The following SLC26A9 variants were observed in gnomAD, a reference collection of about 807,000 sequenced individuals.
The protein encoded by SLC26A9 is anion transporter/exchanger protein 9.
A neutral mutation model predicts 87.1 loss-of-function variants in SLC26A9; 46 were observed. The observed-to-expected ratio is 0.53, with a 90% CI of 0.42 to 0.67. The LOEUF (loss-of-function observed/expected upper bound fraction) is 0.67. SLC26A9 is among the 30% of genes least tolerant of loss of function. SLC26A9 has a pLI of 0.00. For missense variants in SLC26A9, 927 were observed against 1,018.3 expected (o/e 0.91, Z 1.22); for synonymous variants, 437 against 409.1 (o/e 1.07, Z -0.82).
intron 3 of SLC26A9, 36 bp downstream of exon 3, chr1:205,932,909 G>A (rs755202325): frequency 5.0e-6 from 8 of 1,612,322 alleles, no homozygotes; most frequent in East Asian, 2.2e-5. Flanking sequence ...GGTGAGGGGA[G>A]TGGCAATCCA....
At chr1:205,931,465 G>GTTGTTTTTTTTTTTT in intron 5 of SLC26A9, among the ~76,000 whole-genome samples, 1 of 96,012 alleles carries the variant, frequency 1.0e-5, no homozygotes, top group South Asian at 3.5e-4. Flanking sequence ...CCCTAACTTG[G>GTTGTTTTTTTTTTTT]TTTTTTTTTT....
At chr1:205,918,350 A>G (rs1033938586) in intron 19 of SLC26A9, among the ~76,000 whole-genome samples, 1 of 152,154 alleles carries the variant, frequency 6.6e-6, no homozygotes, top group African/African-American at 2.4e-5. Context: ...TAAATGTCAA[A>G]AAGCTGAGAC....
chr1:205,915,381 G>C lies in SLC26A9; in HGVS notation c.2352C>G (p.His784Gln), dbSNP rs149042595. Residue 784 changes from histidine to glutamine, a missense_variant, in exon 21 of 21, where the codon CAC becomes CAG. By Grantham distance (24) the His-to-Gln change is conservative. Coordinates refer to ENST00000367135, the MANE Select transcript of SLC26A9 (RefSeq NM_052934.4). ...LEQEMFGSMF[H>Q]AETLTAL ...CTCACAGGGCGGTCAGGGTCTCTGC[G>C]TGAAACATGCTCCCGAACATCTCCT... 6.2e-7 allele frequency: 1 copy of C among 1,614,010 alleles called. No individual in the cohort carries two copies. Among genetic ancestry groups the C allele is most frequent in the Non-Finnish European group, 8.5e-7 (1 of 1,180,024 alleles).
At chr1:205,937,167 T>G (rs1659539305) in intron 1 of SLC26A9, among the ~76,000 whole-genome samples, 1 of 152,168 alleles carries the variant, frequency 6.6e-6, no homozygotes, top group Admixed American at 6.5e-5. Context: ...TTCCATTCAT[T>G]TGGTCTTGGG....
At chr1:205,917,845 A>ATGACTAATC (rs1209189587) in intron 19 of SLC26A9, among the ~76,000 whole-genome samples, 4 of 152,204 alleles carry the variant, frequency 2.6e-5, no homozygotes, top group African/African-American at 9.6e-5. Flanking sequence ...CTAATCAAGT[A>ATGACTAATC]TACATACCAA....
At position 205,935,757 on chromosome 1, in the gene SLC26A9, C is replaced by T. The variant is rs1033341954; in HGVS notation, c.64G>A (p.Asp22Asn). 2.5e-6 allele frequency: 4 copies of T among 1,614,002 alleles called. No individual in the cohort carries two copies. The highest frequency in any genetic ancestry group is 3.4e-6 in the Non-Finnish European group (4 of 1,179,956). Residue 22 changes from aspartate to asparagine, a missense_variant, in exon 2 of 21, where the codon GAT (aspartate) becomes AAT (asparagine). Physicochemically the swap from Asp to Asn is conservative, Grantham distance 23. Transcript: ENST00000367135. ...RAAYSLTLFDDEFEKKDRTYP... is the reference protein window; with the variant it reads ...RAAYSLTLFDNEFEKKDRTYP... ...GTCCGGTCCTTCTTCTCAAACTCAT[C>T]GTCGAAGAGGGTAAGGGAGTATGCG...
chr1:205,923,106 C>T lies in SLC26A9; in HGVS notation c.1749G>A (p.Arg583=), dbSNP rs776827159. The T allele has an allele frequency of 3.1e-6, 5 of 1,614,054 alleles. No individual in the cohort carries two copies. The South Asian group carries it at 3.3e-5, about 11-fold the overall frequency. The stretch of plus-strand genomic sequence containing the variant: ...CCTTGGTTTTCATGAATAGAGACCT[C>T]CTCTGTTGTGTGGGCCTCATTCTCC... ...EKRRMRPTQQ[R]RSLFMKTKTV... Residue 583 remains arginine (R), a synonymous_variant, in exon 16 of 21, where the codon AGG becomes AGA. Coordinates refer to ENST00000367135, the MANE Select transcript of SLC26A9 (RefSeq NM_052934.4).
intron 1 of SLC26A9, among the ~76,000 whole-genome samples, chr1:205,937,434 TG>T (rs923888299): frequency 1.3e-5 from 2 of 152,088 alleles, no homozygotes; most frequent in African/African-American, 4.8e-5. Flanking sequence ...AGAGACCGGG[TG>T]GCTTAGGGAA....
chr1:205,914,769 C>T lies in SLC26A9; in HGVS notation c.*588G>A, dbSNP rs1010476098. 44 of 1,217,010 alleles carry T rather than the reference C, an allele frequency of 3.6e-5. No homozygotes were observed. Among genetic ancestry groups the T allele is most frequent in the East Asian group, 2.3e-4 (10 of 42,666 alleles). The allele number at this position is 1,217,010 out of a possible 1,614,324, so 75.4% of individuals were successfully genotyped here. On this transcript the variant is annotated 3_prime_UTR_variant, in exon 21 of 21. Coordinates refer to ENST00000367135, the MANE Select transcript of SLC26A9 (RefSeq NM_052934.4). ...AGCCTTGGGGATGATGGAGGGGGGG[C>T]GCATAGTTACCAAGGCCTAGACTCC...
chr1:205,931,791 G>A (rs560884123), intron 5 of SLC26A9, 69 bp downstream of exon 5: 2 of 1,540,678 alleles, frequency 1.3e-6, no homozygotes, highest in South Asian at 1.3e-5. Flanking sequence ...TAGCATCAAA[G>A]CTAAGGCTTT....
chr1:205,921,311 T>C (rs981472355), intron 17 of SLC26A9, among the ~76,000 whole-genome samples: 2 of 151,434 alleles, frequency 1.3e-5, no homozygotes, highest in African/African-American at 4.9e-5. Flanking sequence ...CTGCTGGGGG[T>C]GTTGGGAGCA....
rs1360082322 is a variant in SLC26A9, at chr1:205,932,727, C to T, written c.351G>A (p.Leu117=). 1.3e-6 allele frequency: 2 copies of T among 1,587,560 alleles called. No homozygotes were observed. The highest frequency in any genetic ancestry group is 1.7e-6 in the Non-Finnish European group (2 of 1,167,962). ...CTGGCACCATCTGGTGAACACCCCC[C>T]AGGAAGAAGTAGGTCAGGAGGGGGA... ...SFFPLLTYFF[L]GGVHQMVPGT... Residue 117 remains leucine (L), a synonymous_variant, in exon 4 of 21, where the codon CTG becomes CTA. Coordinates refer to ENST00000367135, the MANE Select transcript of SLC26A9 (RefSeq NM_052934.4).
rs1658830605 is a variant in SLC26A9 at position 205,921,577 on chromosome 1, C to T, written c.2044G>A (p.Ala682Thr). ...CCCGAGGGCCTCACCTTGGCCAGGG[C>T]CTTGATGCCCATCAAGTCCACGAAG... ...VSFVDLMGIK[A>T]LAKLSSTYGK... The change falls in exon 17 of 21, where the codon GCC becomes ACC. Residue 682 changes from alanine (A) to threonine (T), a missense_variant. Coordinates refer to ENST00000367135, the MANE Select transcript of SLC26A9 (RefSeq NM_052934.4). 1 of 1,608,766 alleles carries T rather than the reference C, an allele frequency of 6.2e-7. No individual in the cohort carries two copies. The highest frequency in any genetic ancestry group is 8.5e-7 in the Non-Finnish European group (1 of 1,179,272).
At chr1:205,924,832 T>C in intron 12 of SLC26A9, 1 of 237,930 alleles carries the variant, frequency 4.2e-6, no homozygotes, top group Non-Finnish European at 8.2e-6. Flanking sequence ...AGGGTCTTGC[T>C]CTGTTGCTCA....
At position 205,915,549 on chromosome 1, in the gene SLC26A9, CGA is replaced by C. The variant is rs1658559666; in HGVS notation, c.2329-147_2329-146del. The C allele has an allele frequency of 2.4e-5, 20 of 841,354 alleles. No homozygotes were observed. The Admixed American group carries it at 5.2e-4, about 22-fold the overall frequency. The allele number at this position is 841,354 out of a possible 1,614,324, so 52.1% of individuals were successfully genotyped here. A position where few individuals can be genotyped will look rare whatever the true frequency, so the allele number is the denominator to read the frequency against. ...GTGTGTGTGTGTGTGTGTGTGTGTG[CGA>C]GAGTGTGTGTGAACAGGGGAGAGGC... On this transcript the variant is annotated intron_variant, in intron 20 of 20. Coordinates refer to ENST00000367135, the MANE Select transcript of SLC26A9 (RefSeq NM_052934.4).
rs148043973 is a variant in SLC26A9, at chr1:205,932,954, C to T, written c.256G>A (p.Val86Ile). 8 of 1,613,966 alleles carry T rather than the reference C, an allele frequency of 5.0e-6. No homozygotes were observed. The highest frequency in any genetic ancestry group is 5.9e-6 in the Non-Finnish European group (7 of 1,179,958). ...LGGLSGGSIQ[V>I]PQGMAFALLA... ...GAAGGAGCCCCTTCACCTTGTGGGA[C>T]CTGGATGGATCCCCCGCTGAGTCCA... is the stretch of plus-strand genomic sequence containing the variant. Residue 86 changes from valine (V) to isoleucine (I), a missense_variant, in exon 3 of 21, where the codon GTC becomes ATC. Val to Ile is a conservative substitution (Grantham distance 29). Transcript: ENST00000367135.
chr1:205,929,384 G>T (rs777221923), intron 6 of SLC26A9, 28 bp from the exon 7 acceptor site: 6 of 1,608,866 alleles, frequency 3.7e-6, no homozygotes, highest in Non-Finnish European at 5.1e-6. Context: ...ATGCTCACAG[G>T]CTCCCACCCC....
rs752033414 is a variant in SLC26A9, at chr1:205,918,908, T to C, written c.2188A>G (p.Ile730Val). ...SLECKHVFPS[I>V]HDAVLFAQAN... ...TGGGCAAAGAGGACTGCGTCATGTA[T>C]GCTGGGAAAGACGTGCTTGCATTCT... Residue 730 changes from isoleucine to valine, a missense_variant, in exon 19 of 21, where the codon ATA (isoleucine) becomes GTA (valine). Transcript: ENST00000367135. The C allele has an allele frequency of 1.2e-6, 2 of 1,614,224 alleles. No individual in the cohort carries two copies. The highest frequency in any genetic ancestry group is 1.7e-6 in the Non-Finnish European group (2 of 1,180,026).
chr1:205,937,557 A>C (rs368452153), intron 1 of SLC26A9, among the ~76,000 whole-genome samples: 1 of 152,216 alleles, frequency 6.6e-6, no homozygotes, highest in African/African-American at 2.4e-5. Context: ...CAGTGAGATC[A>C]TGTGTATGAA....
Sources: allele counts gnomAD v4.1 joint callset (sites outside exome capture counted in the v4.1 genomes callset), GRCh38; gene constraint gnomAD v4.1.1; transcripts MANE v1.5; gene names NCBI Gene and HGNC (gene_info 2026-07-23, HGNC 2026-07-21).